SLC23A1: variants seen among roughly 807,000 people sequenced by gnomAD.
The protein encoded by SLC23A1 is solute carrier family 23 member 1.
SLC23A1 carries 31 observed loss-of-function variants against 62.5 expected under a neutral mutation model. The observed-to-expected ratio is 0.50, with a 90% CI of 0.37 to 0.67. SLC23A1 has a LOEUF of 0.67. SLC23A1 is among the 30% of genes least tolerant of loss of function. SLC23A1 has a pLI of 0.00. For missense variants in SLC23A1, 640 were observed against 782.7 expected, an observed-to-expected ratio of 0.82 and a Z score of 2.18; for synonymous variants, 271 against 313.2, an observed-to-expected ratio of 0.87 and a Z score of 1.42.
chr5:139,381,559 G>A (rs952136370), intron 3 of SLC23A1, among the ~76,000 whole-genome samples: 7 of 144,268 alleles, frequency 4.9e-5, no homozygotes, highest in Non-Finnish European at 8.9e-5. Flanking sequence ...GTTGTGGTGA[G>A]CCGAGATCAC....
Position 139,378,288 on chromosome 5 carries a change from T to C in SLC23A1, c.1243A>G (p.Lys415Glu). Residue 415 changes from lysine to glutamate, a missense_variant, in exon 11 of 15, where the codon AAG (lysine) becomes GAG (glutamate). Physicochemically the swap from Lys to Glu is moderately conservative, Grantham distance 56. Transcript: ENST00000348729. The surrounding 1 kb of genome is among the most constrained non-coding windows in gnomAD (Gnocchi z 4.5). ...AIMLVLGTIG[K>E]FTALFASLPD... is the part of the protein sequence containing the mutation. ...AGCGAGGCGAAGAGGGCCGTGAACT[T>C]GCCGATGGTGCCCAGGACCAGCATG... 1 of 1,598,498 alleles carries C rather than the reference T, an allele frequency of 6.3e-7. No individual in the cohort carries two copies. The highest frequency in any genetic ancestry group is 8.5e-7 in the Non-Finnish European group (1 of 1,173,146).
chr5:139,368,010 C>T (rs1757377609), intron 14 of SLC23A1, among the ~76,000 whole-genome samples: 2 of 151,894 alleles, frequency 1.3e-5, no homozygotes, highest in South Asian at 4.2e-4. Context: ...ACCATCCTGG[C>T]TAACATGGTG....
intron 13 of SLC23A1, 89 bp downstream of exon 13, chr5:139,377,313 C>G: frequency 2.6e-6 from 2 of 776,548 alleles, no homozygotes; most frequent in East Asian, 2.5e-5. Context: ...TGCATGGGAC[C>G]TAACCACACA....
intron 13 of SLC23A1, among the ~76,000 whole-genome samples, chr5:139,376,758 A>G (rs138964719): frequency 8.5e-5 from 13 of 152,300 alleles, no homozygotes; most frequent in Non-Finnish European, 1.6e-4. Flanking sequence ...TTGCCAACAA[A>G]CTGATGCTGC....
At chr5:139,383,442 G>A, upstream of SLC23A1, 4 of 1,253,034 alleles carry the variant, frequency 3.2e-6, no homozygotes, top group Non-Finnish European at 4.1e-6. Flanking sequence ...GACAGTAAAA[G>A]CCACCCAAGC....
At chr5:139,382,766 G>A (rs1053990478) in intron 1 of SLC23A1, among the ~76,000 whole-genome samples, 161 bp from the exon 2 acceptor site, 2 of 152,220 alleles carry the variant, frequency 1.3e-5, no homozygotes, top group Non-Finnish European at 2.9e-5. Context: ...CACTTGGCCT[G>A]GCCACAGTTT....
rs537435962 is a variant in SLC23A1 at position 139,382,161 on chromosome 5, C to A, written c.151-112G>T. ...CAGCGGGCCTGGAACCGGCTGCCTG[C>A]CCAGGACTGGCAGTCCCCACAAGGG... On this transcript the variant is annotated intron_variant, in intron 2 of 14. Transcript: ENST00000348729. The A allele has an allele frequency of 1.6e-5, 18 of 1,101,704 alleles. No homozygotes were observed. The African/African-American group carries it at 2.5e-4, about 15-fold the overall frequency. 68.2% of individuals were successfully genotyped at this position (1,101,704 alleles called of 1,614,324 possible).
chr5:139,376,946 A>T (rs1757976106), intron 13 of SLC23A1, among the ~76,000 whole-genome samples: 2 of 152,054 alleles, frequency 1.3e-5, no homozygotes, highest in South Asian at 2.1e-4. Flanking sequence ...ATATGGTGAA[A>T]CCCCATCTCT....
At chr5:139,383,168 G>GCCC in intron 1 of SLC23A1, 50 bp downstream of exon 1, 4 of 242,712 alleles carry the variant, frequency 1.6e-5, no homozygotes, top group Non-Finnish European at 2.7e-5. Flanking sequence ...AGGCCCTCCA[G>GCCC]CCCCCCACCC....
intron 13 of SLC23A1, among the ~76,000 whole-genome samples, chr5:139,374,594 G>A (rs1015186682): frequency 6.6e-6 from 1 of 152,192 alleles, no homozygotes; most frequent in African/African-American, 2.4e-5. Context: ...GTGACCTTAG[G>A]CAAGTGACAA....
rs368381976 is a variant in SLC23A1 at position 139,382,488 on chromosome 5, C to T, written c.150+4G>A. The T allele has an allele frequency of 6.3e-7, 1 of 1,586,588 alleles. No homozygotes were observed. Among genetic ancestry groups the T allele is most frequent in the East Asian group, 2.2e-5 (1 of 44,664 alleles). On this transcript the variant is annotated splice_donor_region_variant and intron_variant, in intron 2 of 14. Transcript: ENST00000348729. ...TGAGGGCGGGGAGGCCCTGGGGGAC[C>T]CACCTGGAAGCCCAGCAGGATGCAC...
rs1758064254 is a variant in SLC23A1, at chr5:139,378,492, G to A, written c.1179+87C>T. The A allele has an allele frequency of 9.1e-6, 13 of 1,429,086 alleles. No homozygotes were observed. Among genetic ancestry groups the A allele is most frequent in the Admixed American group, 2.0e-5 (1 of 50,284 alleles). The allele number at this position is 1,429,086 out of a possible 1,614,324, so 88.5% of individuals were successfully genotyped here. A position where few individuals can be genotyped will look rare whatever the true frequency, so the allele number is the denominator to read the frequency against. On this transcript the variant is annotated intron_variant, in intron 10 of 14. Transcript: ENST00000348729. The surrounding 1 kb of genome is among the most constrained non-coding windows in gnomAD (Gnocchi z 4.5). ...GGCGAGGCCTCTCAAAGACAGGGTG[G>A]GGCTAAACCAAAGTGGGGACCGAGT...
At chr5:139,371,043 C>T (rs565358750) in intron 14 of SLC23A1, among the ~76,000 whole-genome samples, 1 of 152,054 alleles carries the variant, frequency 6.6e-6, no homozygotes, top group East Asian at 2.0e-4. Flanking sequence ...GATGGCGCCA[C>T]TGCACTCCAG....
intron 13 of SLC23A1, among the ~76,000 whole-genome samples, chr5:139,372,461 T>G (rs916647351): frequency 2.0e-5 from 3 of 152,264 alleles, no homozygotes; most frequent in African/African-American, 2.4e-5. Context: ...TATAGTAGTA[T>G]TTATTGTGTA....
upstream of SLC23A1, chr5:139,384,524 T>G (rs529642020): frequency 1.6e-4 from 210 of 1,289,584 alleles, 2 homozygotes; most frequent in African/African-American, 2.9e-3. Context: ...TGGCTACTGC[T>G]CCCAATTTCC....
At chr5:139,368,215 G>A (rs1561967620) in intron 14 of SLC23A1, among the ~76,000 whole-genome samples, 1 of 152,172 alleles carries the variant, frequency 6.6e-6, no homozygotes. Context: ...GTGGGCGCCT[G>A]TAGTCCCAGC....
At chr5:139,383,550 A>G (rs977460397), upstream of SLC23A1, among the ~76,000 whole-genome samples, 1 of 152,206 alleles carries the variant, frequency 6.6e-6, no homozygotes, top group Non-Finnish European at 1.5e-5. Flanking sequence ...GGTGAGGACC[A>G]GAAGTTTACC....
intron 12 of SLC23A1, among the ~76,000 whole-genome samples, chr5:139,377,753 G>A (rs1200672260): frequency 6.6e-6 from 1 of 152,214 alleles, no homozygotes; most frequent in Non-Finnish European, 1.5e-5. Flanking sequence ...GTAGATAAAT[G>A]GAGCTGTTTT....
Position 139,379,140 on chromosome 5 carries a change from C to A in SLC23A1, c.1073+67G>T. On this transcript the variant is annotated intron_variant, in intron 9 of 14. Transcript: ENST00000348729. The surrounding 1 kb of genome is among the most constrained non-coding windows in gnomAD (Gnocchi z 4.7). Reference sequence around the variant, plus strand: ...AAGCCTACCCCCTGGGCCTCCACCCCGTTCCTGTGTGTGCTTCCTGGGTGG... The same window carrying A: ...AAGCCTACCCCCTGGGCCTCCACCCAGTTCCTGTGTGTGCTTCCTGGGTGG... The A allele has an allele frequency of 6.4e-7, 1 of 1,552,950 alleles. No homozygotes were observed. The highest frequency in any genetic ancestry group is 1.1e-5 in the South Asian group (1 of 87,560).
Sources: allele counts gnomAD v4.1 joint callset (sites outside exome capture counted in the v4.1 genomes callset), GRCh38; gene constraint gnomAD v4.1.1; non-coding constraint Gnocchi (gnomAD v3.1); transcripts MANE v1.5; gene names NCBI Gene and HGNC (gene_info 2026-07-23, HGNC 2026-07-21).